The following TULP4 variants were observed in gnomAD, a reference collection of about 807,000 sequenced individuals.
TULP4 encodes the protein tubby-related protein 4.
A neutral mutation model predicts 129.0 loss-of-function variants in TULP4; 16 were observed. The ratio of observed to expected loss-of-function variants is 0.12; its 90% CI spans 0.08 to 0.19. TULP4 has a LOEUF of 0.19. Among genes scored for constraint, TULP4 ranks in the 10% least tolerant of loss-of-function variants. TULP4 has a pLI of 1.00. For synonymous variants in TULP4, 998 were observed against 854.0 expected, an observed-to-expected ratio of 1.17 and a Z score of -2.94; for missense variants, 1,842 against 2,059.1, an observed-to-expected ratio of 0.89 and a Z score of 2.04.
At chr6:158,467,740 G>A (rs1779585021) in intron 6 of TULP4, among the ~76,000 whole-genome samples, 1 of 152,120 alleles carries the variant, frequency 6.6e-6, no homozygotes, top group African/African-American at 2.4e-5. Context: ...TCTAGAATTA[G>A]CTCTTACCAC....
At chr6:158,272,782 C>T (rs964595993) in intron 1 of TULP4, among the ~76,000 whole-genome samples, 1 of 152,176 alleles carries the variant, frequency 6.6e-6, no homozygotes, top group Admixed American at 6.5e-5. Flanking sequence ...GTGTTTCAGT[C>T]AAAAACAAAT....
At chr6:158,447,878 T>C (rs1469804765) in intron 3 of TULP4, among the ~76,000 whole-genome samples, 3 of 152,244 alleles carry the variant, frequency 2.0e-5, no homozygotes, top group African/African-American at 7.2e-5. Context: ...AATGAGATGC[T>C]GACGGATAGA....
chr6:158,424,667 A>G (rs959878831), intron 2 of TULP4, among the ~76,000 whole-genome samples: 1 of 152,236 alleles, frequency 6.6e-6, no homozygotes, highest in Non-Finnish European at 1.5e-5. Context: ...AAAAGCGTAC[A>G]TGTTCAATAC....
intron 1 of TULP4, among the ~76,000 whole-genome samples, chr6:158,405,489 C>G (rs1328684117): frequency 6.6e-6 from 1 of 152,194 alleles, no homozygotes; most frequent in East Asian, 1.9e-4. Context: ...GGCACCGTTG[C>G]ATTAAGCACA....
intron 1 of TULP4, among the ~76,000 whole-genome samples, chr6:158,404,753 G>A (rs1403791940): frequency 7.5e-6 from 1 of 133,394 alleles, no homozygotes; most frequent in Non-Finnish European, 1.5e-5. Context: ...TCCAGCCTGA[G>A]CGACAGAGGA....
At chr6:158,473,859 C>T (rs917641526) in intron 6 of TULP4, among the ~76,000 whole-genome samples, 1 of 150,302 alleles carries the variant, frequency 6.7e-6, no homozygotes, top group African/African-American at 2.5e-5. Flanking sequence ...TCACTGTCTC[C>T]CAGGCTGGAG....
intron 12 of TULP4, among the ~76,000 whole-genome samples, chr6:158,500,591 C>A (rs1780422027): frequency 6.6e-6 from 1 of 152,236 alleles, no homozygotes; most frequent in African/African-American, 2.4e-5. Context: ...GAGGAGCCAA[C>A]TGCAGAGTGC....
chr6:158,360,259 G>A lies in TULP4; in HGVS notation c.252+45991G>A, dbSNP rs147820129. Among the ~76,000 whole-genome samples, 37 of 152,210 alleles carry A rather than the reference G, an allele frequency of 2.4e-4. No individual in the cohort carries two copies. The East Asian group carries it at 6.6e-3, about 27-fold the overall frequency. On this transcript the variant is annotated intron_variant, in intron 1 of 13. Transcript: ENST00000367097. The stretch of plus-strand genomic sequence containing the variant: ...TATGGCTCCTGTACAGTGTCACTCC[G>A]GGTGTAGCACGATGCACTCTTGGGC...
rs763214219 is a variant in TULP4 at position 158,503,365 on chromosome 6, C to T, written c.3702C>T (p.Ser1234=). Residue 1234 remains serine (S), a synonymous_variant, in exon 13 of 14, where the codon AGC becomes AGT. Transcript: ENST00000367097. The surrounding 1 kb of genome is among the most constrained non-coding windows in gnomAD (Gnocchi z 4.3). The part of the protein sequence containing the change: ...AVVLQPLYPP[S]LSYCTLPPMY... The stretch of plus-strand genomic sequence containing the variant: ...TCCTTCAGCCGCTGTACCCACCCAG[C>T]CTCTCCTATTGCACCCTGCCCCCCA... The T allele has an allele frequency of 5.0e-6, 8 of 1,613,906 alleles. No individual in the cohort carries two copies. Among genetic ancestry groups the T allele is most frequent in the Middle Eastern group, 1.6e-4 (1 of 6,062 alleles).
At chr6:158,287,165 G>A (rs1778848028) in intron 1 of TULP4, among the ~76,000 whole-genome samples, 1 of 152,134 alleles carries the variant, frequency 6.6e-6, no homozygotes, top group African/African-American at 2.4e-5. Flanking sequence ...TGGAGTATAT[G>A]GGTTTGAGAT....
At chr6:158,287,011 T>C (rs1260472298) in intron 1 of TULP4, among the ~76,000 whole-genome samples, 1 of 152,246 alleles carries the variant, frequency 6.6e-6, no homozygotes, top group African/African-American at 2.4e-5. Flanking sequence ...AGATATTTAC[T>C]GAGTTCTTTT....
At chr6:158,325,324 G>A (rs1207298894) in intron 1 of TULP4, among the ~76,000 whole-genome samples, 1 of 148,606 alleles carries the variant, frequency 6.7e-6, no homozygotes, top group African/African-American at 2.5e-5. Flanking sequence ...GCCAGTTATT[G>A]TAAACTGAAG....
At chr6:158,392,404 C>T (rs1777603691) in intron 1 of TULP4, among the ~76,000 whole-genome samples, 1 of 152,226 alleles carries the variant, frequency 6.6e-6, no homozygotes, top group African/African-American at 2.4e-5. Flanking sequence ...ATTTGCCTAC[C>T]TGTAGCTTAT....
chr6:158,314,392 T>G, intron 1 of TULP4, 124 bp downstream of exon 1: 1 of 1,197,598 alleles, frequency 8.4e-7, no homozygotes, highest in African/African-American at 1.5e-5. Flanking sequence ...TCCCATGCTG[T>G]GAGTTCTGTC....
At position 158,429,921 on chromosome 6, in the gene TULP4, G is replaced by A. The variant is rs758695003; in HGVS notation, c.543+24G>A. 3.1e-6 allele frequency: 5 copies of A among 1,608,540 alleles called. No homozygotes were observed. In the Admixed American group the frequency reaches 8.4e-5, roughly 27 times the overall value. ...AGGTAACACTTCTGAAATGTGGTGG[G>A]TGTGTGACGTTAAAACCATGAGGGC... is the stretch of plus-strand genomic sequence containing the variant. On this transcript the variant is annotated intron_variant, in intron 3 of 13. Coordinates refer to ENST00000367097, the MANE Select transcript of TULP4 (RefSeq NM_020245.5).
chr6:158,456,601 C>T (rs1002647935), intron 5 of TULP4, among the ~76,000 whole-genome samples: 7 of 152,142 alleles, frequency 4.6e-5, no homozygotes, highest in African/African-American at 7.2e-5. Context: ...TGGGAGGCTG[C>T]GGTGGGTGTA....
chr6:158,448,363 A>G (rs991065693), intron 3 of TULP4, among the ~76,000 whole-genome samples: 13 of 152,198 alleles, frequency 8.5e-5, no homozygotes, highest in African/African-American at 2.9e-4. Context: ...CTTTCAGCAT[A>G]GTGTTTAGTG....
chr6:158,238,412 ATTGT>A (rs201021540), intron 1 of TULP4: 7,271 of 424,078 alleles, frequency 0.017, 86 homozygotes, highest in East Asian at 0.068. Flanking sequence ...GCCTTGTTAA[ATTGT>A]TTTTTTTTTT....
rs930803620 is a variant in TULP4, at chr6:158,493,816, T to C, written c.1776+99T>C. 1.1e-5 allele frequency: 15 copies of C among 1,347,176 alleles called. No homozygotes were observed. The highest frequency in any genetic ancestry group is 1.5e-5 in the Non-Finnish European group (15 of 1,015,366). 83.5% of individuals were successfully genotyped at this position (1,347,176 alleles called of 1,614,324 possible). The stretch of plus-strand genomic sequence containing the variant: ...CCGCCTGCACTGCTCACTGCCACCA[T>C]GGGTCCCTGAGCTCTGCTCCACATC... On this transcript the variant is annotated intron_variant, in intron 10 of 13. Coordinates refer to ENST00000367097, the MANE Select transcript of TULP4 (RefSeq NM_020245.5). The surrounding 1 kb of genome is among the most constrained non-coding windows in gnomAD (Gnocchi z 4.4).
Sources: allele counts gnomAD v4.1 joint callset (sites outside exome capture counted in the v4.1 genomes callset), GRCh38; gene constraint gnomAD v4.1.1; non-coding constraint Gnocchi (gnomAD v3.1); transcripts MANE v1.5; gene names NCBI Gene and HGNC (gene_info 2026-07-23, HGNC 2026-07-21).